GRIA1: variants seen among roughly 807,000 people sequenced by gnomAD.
The protein encoded by GRIA1 is glutamate ionotropic receptor AMPA type subunit 1.
Under a neutral mutation model 99.2 loss-of-function variants are expected in GRIA1, and 31 were observed. The ratio of observed to expected loss-of-function variants is 0.31; its 90% CI spans 0.23 to 0.42. GRIA1 has a LOEUF of 0.42. GRIA1 is among the 10% of genes least tolerant of loss of function. The pLI is 1.00. For synonymous variants in GRIA1, 438 were observed against 432.4 expected, an observed-to-expected ratio of 1.01 and a Z score of -0.16; for missense variants, 782 against 1,157.5, an observed-to-expected ratio of 0.68 and a Z score of 4.71.
At chr5:153,736,298 T>G (rs1354765084) in intron 11 of GRIA1, among the ~76,000 whole-genome samples, 1 of 152,124 alleles carries the variant, frequency 6.6e-6, no homozygotes, top group Non-Finnish European at 1.5e-5. Context: ...GAGACTGAAC[T>G]CAAATTCCAA....
chr5:153,530,253 A>G (rs1429405572), intron 2 of GRIA1, among the ~76,000 whole-genome samples: 2 of 152,222 alleles, frequency 1.3e-5, no homozygotes, highest in Non-Finnish European at 1.5e-5. Context: ...TCTGTACTGG[A>G]ACCCAGCACT....
chr5:153,675,919 T>A (rs1192847686), intron 6 of GRIA1, among the ~76,000 whole-genome samples: 1 of 151,516 alleles, frequency 6.6e-6, no homozygotes, highest in Non-Finnish European at 1.5e-5. Context: ...TGCAGTGGCA[T>A]GATCTCGGCT....
intron 7 of GRIA1, among the ~76,000 whole-genome samples, chr5:153,685,634 G>T (rs570322591): frequency 1.3e-5 from 2 of 152,330 alleles, no homozygotes; most frequent in South Asian, 4.1e-4. Flanking sequence ...GAGCTAAATT[G>T]CCTGAGGGCA....
At chr5:153,508,899 G>C (rs10477080) in intron 2 of GRIA1, among the ~76,000 whole-genome samples, 1 of 152,092 alleles carries the variant, frequency 6.6e-6, no homozygotes, top group Admixed American at 6.5e-5. Flanking sequence ...AGGTCTGCCC[G>C]ATGTGTCTTT....
chr5:153,688,709 T>C (rs965842598), intron 8 of GRIA1, among the ~76,000 whole-genome samples: 7 of 151,996 alleles, frequency 4.6e-5, no homozygotes, highest in Admixed American at 3.9e-4. Flanking sequence ...AAGGCCATCT[T>C]CCTTTCAGAT....
At chr5:153,681,818 G>A (rs1445153076) in intron 7 of GRIA1, among the ~76,000 whole-genome samples, 4 of 152,022 alleles carry the variant, frequency 2.6e-5, no homozygotes, top group South Asian at 2.1e-4. Context: ...GGCAGATCAC[G>A]AGGTAAGGAG....
chr5:153,621,042 A>G (rs1440559897), intron 2 of GRIA1, among the ~76,000 whole-genome samples: 2 of 152,248 alleles, frequency 1.3e-5, no homozygotes, highest in Non-Finnish European at 2.9e-5. Flanking sequence ...AATGATGCCC[A>G]CTGCTGTCAT....
At chr5:153,719,804 A>C (rs1759929167) in intron 11 of GRIA1, among the ~76,000 whole-genome samples, 1 of 152,170 alleles carries the variant, frequency 6.6e-6, no homozygotes, top group Non-Finnish European at 1.5e-5. Context: ...GGAAAATACA[A>C]TCTGCCATAC....
chr5:153,797,480 C>A (rs780600274), intron 14 of GRIA1, among the ~76,000 whole-genome samples: 5 of 152,204 alleles, frequency 3.3e-5, no homozygotes, highest in African/African-American at 7.2e-5. Flanking sequence ...CCTCTGGGGA[C>A]AATTTCCCAA....
chr5:153,742,627 T>C (rs1175849455), intron 11 of GRIA1, among the ~76,000 whole-genome samples: 2 of 152,160 alleles, frequency 1.3e-5, no homozygotes, highest in African/African-American at 4.8e-5. Flanking sequence ...CTTGGTTTCT[T>C]TCATGGTTCT....
chr5:153,729,398 AATT>A (rs1760841744), intron 11 of GRIA1, among the ~76,000 whole-genome samples: 2 of 152,042 alleles, frequency 1.3e-5, no homozygotes, highest in Admixed American at 1.3e-4. Flanking sequence ...AATAAAATAA[AATT>A]AATTAATTAA....
At chr5:153,584,271 A>C (rs1763284347) in intron 2 of GRIA1, among the ~76,000 whole-genome samples, 1 of 152,184 alleles carries the variant, frequency 6.6e-6, no homozygotes, top group Admixed American at 6.5e-5. Flanking sequence ...TACCCAGAAC[A>C]CTAACATGTG....
chr5:153,795,362 T>G (rs551207357), intron 14 of GRIA1: 1 of 644,102 alleles, frequency 1.6e-6, no homozygotes, highest in South Asian at 1.8e-5. Context: ...AGAGTATCAC[T>G]TTGTCAGTGC....
At chr5:153,685,613 G>A (rs1184089673) in intron 7 of GRIA1, among the ~76,000 whole-genome samples, 2 of 152,194 alleles carry the variant, frequency 1.3e-5, no homozygotes, top group Non-Finnish European at 2.9e-5. Flanking sequence ...TTTGGAAACT[G>A]AAGGCTTAGA....
At chr5:153,736,234 C>T (rs768797533) in intron 11 of GRIA1, among the ~76,000 whole-genome samples, 16 of 152,160 alleles carry the variant, frequency 1.1e-4, no homozygotes, top group Non-Finnish European at 1.9e-4. Context: ...GTATCAAAAA[C>T]GATGCCATAA....
intron 12 of GRIA1, among the ~76,000 whole-genome samples, chr5:153,765,700 C>T (rs1233243141): frequency 6.6e-6 from 1 of 152,138 alleles, no homozygotes; most frequent in Non-Finnish European, 1.5e-5. Context: ...GTACATGGAA[C>T]TACCATCTAT....
intron 11 of GRIA1, among the ~76,000 whole-genome samples, chr5:153,727,772 T>C (rs1163850846): frequency 1.6e-4 from 25 of 152,060 alleles, no homozygotes; most frequent in Non-Finnish European, 8.8e-5. Context: ...TGCTCATGGG[T>C]AGGAAGAATC....
chr5:153,614,301 T>C (rs1385329814), intron 2 of GRIA1, among the ~76,000 whole-genome samples: 2 of 152,200 alleles, frequency 1.3e-5, no homozygotes, highest in African/African-American at 4.8e-5. Context: ...CGCCCCTCAA[T>C]TGTTTCCTCA....
chr5:153,633,117 G>C (rs1753099114), intron 2 of GRIA1, among the ~76,000 whole-genome samples: 1 of 152,204 alleles, frequency 6.6e-6, no homozygotes, highest in South Asian at 2.1e-4. Context: ...CAGGGGCAGG[G>C]AGGCTCCTGC....
Sources: allele counts gnomAD v4.1 joint callset (sites outside exome capture counted in the v4.1 genomes callset), GRCh38; gene constraint gnomAD v4.1.1; transcripts MANE v1.5; gene names NCBI Gene and HGNC (gene_info 2026-07-23, HGNC 2026-07-21).